Variants in COL13A1 observed in about 807,000 individuals in gnomAD.
The protein encoded by COL13A1 is collagen type XIII alpha 1 chain.
A neutral mutation model predicts 130.9 loss-of-function variants in COL13A1; 89 were observed. The ratio of observed to expected loss-of-function variants is 0.68; its 90% confidence interval spans 0.57 to 0.81. The LOEUF is 0.81. Among genes scored for constraint, COL13A1 ranks in the 30% least tolerant of loss-of-function variants. The probability of loss-of-function intolerance (pLI) is 0.00; values close to 1 mark genes in which losing one functional copy is unlikely to be tolerated. For synonymous variants in COL13A1, 402 were observed against 341.6 expected, an observed-to-expected ratio of 1.18 and a Z score of -1.95; for missense variants, 879 against 934.6, an observed-to-expected ratio of 0.94 and a Z score of 0.78.
intron 10 of COL13A1, among the ~76,000 whole-genome samples, chr10:69,890,756 G>T (rs981516240): frequency 3.3e-5 from 5 of 152,228 alleles, no homozygotes; most frequent in African/African-American, 9.6e-5. Flanking sequence ...TTTATTGAGG[G>T]TTTGCCACGT....
At chr10:69,880,623 G>C in intron 7 of COL13A1, 70 bp downstream of exon 7, 2 of 1,505,290 alleles carry the variant, frequency 1.3e-6, no homozygotes, top group Non-Finnish European at 1.8e-6. Context: ...CTTTTAGGCT[G>C]GGGATGAGGG....
chr10:69,888,328 C>T lies in COL13A1; in HGVS notation c.574C>T (p.Pro192Ser). 6.2e-7 allele frequency: 1 copy of T among 1,612,732 alleles called. No individual in the cohort carries two copies. The highest frequency in any genetic ancestry group is 8.5e-7 in the Non-Finnish European group (1 of 1,179,472). ...FPGPIGLDGK[P>S]GHPGPKGDMG... is the part of the protein sequence containing the mutation. ...GGGTCCCATTGGGCTGGACGGCAAACCGGTAAGTGGACCCGCTCTCTCCCC... is the reference window on the plus strand; with the variant it reads ...GGGTCCCATTGGGCTGGACGGCAAATCGGTAAGTGGACCCGCTCTCTCCCC... The change falls in exon 9 of 41, where the codon CCG (proline) becomes TCG (serine). Residue 192 changes from proline to serine, a missense_variant and splice_region_variant. Pro to Ser is a moderately conservative substitution (Grantham distance 74). This residue lies in a region of COL13A1 where 715 missense variants were observed against 721.0 expected (regional missense o/e 0.99). Transcript: ENST00000645393.
chr10:69,828,204 TCAGA>T (rs1847968703), intron 2 of COL13A1, among the ~76,000 whole-genome samples: 1 of 152,128 alleles, frequency 6.6e-6, no homozygotes, highest in African/African-American at 2.4e-5. Context: ...TCGTCAATAT[TCAGA>T]CTCCCCCTTG....
chr10:69,824,390 G>C (rs569621913), intron 2 of COL13A1, among the ~76,000 whole-genome samples: 2 of 152,362 alleles, frequency 1.3e-5, no homozygotes, highest in Non-Finnish European at 2.9e-5. Flanking sequence ...AAGCACATCA[G>C]TTGTCTGATG....
intron 1 of COL13A1, among the ~76,000 whole-genome samples, chr10:69,818,496 T>C (rs1026590893): frequency 2.0e-5 from 3 of 152,230 alleles, no homozygotes; most frequent in African/African-American, 7.2e-5. Context: ...AGGCTGTATA[T>C]AGATGCACAG....
chr10:69,935,416 GC>G (rs1364610675), intron 32 of COL13A1, 25 bp downstream of exon 32: 1 of 1,526,242 alleles, frequency 6.6e-7, no homozygotes, highest in Admixed American at 2.0e-5. Flanking sequence ...CTTGTCAGTG[GC>G]CAGTCCACTA....
intron 2 of COL13A1, among the ~76,000 whole-genome samples, chr10:69,838,183 C>T (rs1173932665): frequency 6.6e-6 from 1 of 152,244 alleles, no homozygotes; most frequent in East Asian, 1.9e-4. Context: ...TTGTGCCTTC[C>T]CGGTCCCACT....
chr10:69,911,994 A>G (rs2063431837), intron 17 of COL13A1, among the ~76,000 whole-genome samples: 1 of 152,212 alleles, frequency 6.6e-6, no homozygotes, highest in East Asian at 1.9e-4. Context: ...GAAGCCCTAG[A>G]TGCAGGAGCC....
intron 35 of COL13A1, among the ~76,000 whole-genome samples, chr10:69,941,240 C>T (rs1055154805): frequency 6.6e-5 from 10 of 152,208 alleles, no homozygotes; most frequent in African/African-American, 2.4e-4. Flanking sequence ...CCACAGAATA[C>T]ACCCAGGGAC....
At chr10:69,876,038 G>C (rs900870197) in intron 5 of COL13A1, among the ~76,000 whole-genome samples, 1 of 152,220 alleles carries the variant, frequency 6.6e-6, no homozygotes, top group Non-Finnish European at 1.5e-5. Context: ...TGCTTGCCTG[G>C]TGTGAGTCTG....
At chr10:69,823,207 T>A (rs1439859624) in intron 2 of COL13A1, among the ~76,000 whole-genome samples, 1 of 152,228 alleles carries the variant, frequency 6.6e-6, no homozygotes, top group African/African-American at 2.4e-5. Context: ...TTCAAGTGCA[T>A]TGTCCACCAT....
intron 2 of COL13A1, among the ~76,000 whole-genome samples, chr10:69,860,363 G>A (rs2133812770): frequency 6.6e-6 from 1 of 152,334 alleles, no homozygotes; most frequent in East Asian, 1.9e-4. Context: ...AAGCGGGCAT[G>A]AGGGAGACAC....
chr10:69,835,027 C>A (rs1849679085), intron 2 of COL13A1, among the ~76,000 whole-genome samples: 1 of 152,166 alleles, frequency 6.6e-6, no homozygotes, highest in Non-Finnish European at 1.5e-5. Context: ...TGGCTAGAAG[C>A]ACTGAGGTGG....
intron 16 of COL13A1, 87 bp downstream of exon 16, chr10:69,905,046 C>A: frequency 6.9e-7 from 1 of 1,451,648 alleles, no homozygotes; most frequent in Non-Finnish European, 9.4e-7. Context: ...GTGACTGAGG[C>A]AGGAGCAGAG....
intron 7 of COL13A1, among the ~76,000 whole-genome samples, chr10:69,881,601 G>A (rs973808423): frequency 7.9e-5 from 12 of 152,224 alleles, no homozygotes; most frequent in African/African-American, 2.9e-4. Context: ...GAGAGCAGGG[G>A]CAGGAGAGCC....
At chr10:69,919,001 G>A in intron 19 of COL13A1, 61 bp from the exon 20 acceptor site, 1 of 1,608,024 alleles carries the variant, frequency 6.2e-7, no homozygotes, top group Non-Finnish European at 8.5e-7. Context: ...ACCAACAGGT[G>A]CCTTGCTCAT....
intron 35 of COL13A1, among the ~76,000 whole-genome samples, chr10:69,943,417 T>A (rs1246097720): frequency 6.6e-6 from 1 of 152,184 alleles, no homozygotes; most frequent in Non-Finnish European, 1.5e-5. Flanking sequence ...GGGAAGATGT[T>A]GGAGGAGGCC....
chr10:69,944,275 C>A (rs1047758104), intron 36 of COL13A1, 97 bp downstream of exon 36: 7 of 1,026,722 alleles, frequency 6.8e-6, no homozygotes, highest in African/African-American at 1.6e-5. Context: ...TTCCTTCTTC[C>A]ATCTCTTCTC....
rs558862350 is a variant in COL13A1 at position 69,802,310 on chromosome 10, C to T, written c.-114C>T. 6.9e-5 allele frequency: 84 copies of T among 1,212,154 alleles called. No individual in the cohort carries two copies. The South Asian group carries it at 1.3e-3, about 19-fold the overall frequency. The allele number at this position is 1,212,154 out of a possible 1,614,324, so 75.1% of individuals were successfully genotyped here. On this transcript the variant is annotated 5_prime_UTR_variant, in exon 1 of 41. Coordinates refer to ENST00000645393, the MANE Select transcript of COL13A1 (RefSeq NM_001368882.1). ...CGGGAGCAGCGGAAAGGGACGTTTT[C>T]CAGCGATACAAGCCCTTTCCCCCTG...
Sources: allele counts gnomAD v4.1 joint callset (sites outside exome capture counted in the v4.1 genomes callset), GRCh38; gene constraint gnomAD v4.1.1; regional missense constraint gnomAD v4.1.1; transcripts MANE v1.5; gene names NCBI Gene and HGNC (gene_info 2026-07-23, HGNC 2026-07-21).